Variants in DTNB observed in about 807,000 individuals in gnomAD.
DTNB encodes DTN-B.
A neutral mutation model predicts 90.7 loss-of-function variants in DTNB; 63 were observed. The observed-to-expected ratio is 0.69, with a 90% CI of 0.57 to 0.86. The LOEUF (loss-of-function observed/expected upper bound fraction) is 0.86, where lower values mean the gene tolerates loss of function less well. DTNB is among the 40% of genes least tolerant of loss of function. DTNB has a pLI of 0.00. For synonymous variants in DTNB, 277 were observed against 286.7 expected (o/e 0.97, Z 0.34); for missense variants, 744 against 807.1 (o/e 0.92, Z 0.95).
At chr2:25,540,590 A>C (rs1021502544) in intron 8 of DTNB, among the ~76,000 whole-genome samples, 1 of 152,144 alleles carries the variant, frequency 6.6e-6, no homozygotes, top group African/African-American at 2.4e-5. Flanking sequence ...GCGGTTTTGT[A>C]GAATAGAAAA....
At chr2:25,524,401 C>CTT (rs369653199) in intron 9 of DTNB, among the ~76,000 whole-genome samples, 10 of 114,638 alleles carry the variant, frequency 8.7e-5, no homozygotes, top group African/African-American at 1.6e-4. Context: ...TCTACCAGAG[C>CTT]TTTTTTTTTT....
rs2036845455 is a variant in DTNB, at chr2:25,379,296, TTCCTCTGTGTCCGGC to T, written c.*8_*22del. The T allele has an allele frequency of 1.5e-6, 2 of 1,325,250 alleles. No homozygotes were observed. Among genetic ancestry groups the T allele is most frequent in the African/African-American group, 1.5e-5 (1 of 66,434 alleles). The allele number at this position is 1,325,250 out of a possible 1,614,324, so 82.1% of individuals were successfully genotyped here. A position where few individuals can be genotyped will look rare whatever the true frequency, so the allele number is the denominator to read the frequency against. ...GAGGACTCTTTGTACTCACCTGAGC[TTCCTCTGTGTCCGGC>T]TCCTCTGCTAACCTGTGGCAGCATG... On this transcript the variant is annotated 3_prime_UTR_variant, in exon 20 of 21. Coordinates refer to ENST00000406818, the MANE Select transcript of DTNB (RefSeq NM_021907.5).
At chr2:25,592,355 A>G (rs772152109) in intron 6 of DTNB, among the ~76,000 whole-genome samples, 11 of 152,140 alleles carry the variant, frequency 7.2e-5, no homozygotes, top group Non-Finnish European at 1.3e-4. Flanking sequence ...GAGGTGTCAG[A>G]TTAGTTTTAT....
intron 3 of DTNB, among the ~76,000 whole-genome samples, chr2:25,630,810 C>T (rs1403261168): frequency 7.2e-6 from 1 of 138,016 alleles, no homozygotes; most frequent in Non-Finnish European, 1.5e-5. Flanking sequence ...CACCACTGCA[C>T]TCCAGCCTGG....
chr2:25,562,517 T>C (rs2058417470), intron 8 of DTNB, among the ~76,000 whole-genome samples: 2 of 152,358 alleles, frequency 1.3e-5, no homozygotes, highest in Admixed American at 1.3e-4. Context: ...TGTTTTCCAA[T>C]GTGGCTATAC....
intron 9 of DTNB, among the ~76,000 whole-genome samples, chr2:25,524,832 T>C (rs899260400): frequency 2.0e-5 from 3 of 152,020 alleles, no homozygotes; most frequent in Admixed American, 6.6e-5. Flanking sequence ...TGGGTGTGAG[T>C]AACAAACAAA....
chr2:25,402,025 G>A (rs2043858060), intron 16 of DTNB, among the ~76,000 whole-genome samples: 1 of 152,212 alleles, frequency 6.6e-6, no homozygotes, highest in African/African-American at 2.4e-5. Context: ...TTAGGCAACC[G>A]TGAATGTATA....
At chr2:25,520,173 G>T (rs1230858385) in intron 9 of DTNB, among the ~76,000 whole-genome samples, 1 of 152,180 alleles carries the variant, frequency 6.6e-6, no homozygotes, top group Non-Finnish European at 1.5e-5. Flanking sequence ...GACGAGGTCA[G>T]GAGTTTGAGA....
chr2:25,487,445 G>T (rs997782072), intron 9 of DTNB, among the ~76,000 whole-genome samples: 2 of 152,216 alleles, frequency 1.3e-5, no homozygotes, highest in Non-Finnish European at 2.9e-5. Context: ...ATGCGCATAG[G>T]TTATATGCAA....
chr2:25,469,178 C>T (rs2062330216), intron 10 of DTNB, among the ~76,000 whole-genome samples: 1 of 152,044 alleles, frequency 6.6e-6, no homozygotes, highest in Non-Finnish European at 1.5e-5. Context: ...TTGACCTAGT[C>T]CAGGAGATCA....
At chr2:25,646,761 T>C (rs1041976250) in intron 2 of DTNB, among the ~76,000 whole-genome samples, 1 of 152,174 alleles carries the variant, frequency 6.6e-6, no homozygotes, top group African/African-American at 2.4e-5. Context: ...GTCTCATGCC[T>C]CCTTAAGATG....
At chr2:25,416,962 C>G (rs1015978859) in intron 16 of DTNB, among the ~76,000 whole-genome samples, 1 of 152,218 alleles carries the variant, frequency 6.6e-6, no homozygotes, top group African/African-American at 2.4e-5. Flanking sequence ...TTTATAGTCT[C>G]TTCAGTTGTA....
rs2039813939 is a variant in DTNB at position 25,387,456 on chromosome 2, C to T, written c.1736-78G>A. ...AGACGGCTGAGCAAATGCCTCAGTT[C>T]TGCCAGGCCCGAGAACACAGGTGTG... On this transcript the variant is annotated intron_variant, in intron 17 of 20. Transcript: ENST00000406818. The surrounding 1 kb of genome is among the most constrained non-coding windows in gnomAD (Gnocchi z 4.5). 7.3e-7 allele frequency: 1 copy of T among 1,376,138 alleles called. No homozygotes were observed. The highest frequency in any genetic ancestry group is 1.9e-4 in the Middle Eastern group (1 of 5,370). 85.2% of individuals were successfully genotyped at this position (1,376,138 alleles called of 1,614,324 possible). A position where few individuals can be genotyped will look rare whatever the true frequency, so the allele number is the denominator to read the frequency against.
chr2:25,599,788 T>C (rs1415396889), intron 5 of DTNB, among the ~76,000 whole-genome samples: 1 of 152,134 alleles, frequency 6.6e-6, no homozygotes, highest in Non-Finnish European at 1.5e-5. Context: ...ACATAAATGA[T>C]TTAACCTTTA....
Position 25,576,856 on chromosome 2 carries a change from C to A in DTNB, c.858G>T (p.Met286Ile). The A allele has an allele frequency of 1.2e-6, 2 of 1,612,614 alleles. No individual in the cohort carries two copies. Among genetic ancestry groups the A allele is most frequent in the Non-Finnish European group, 1.7e-6 (2 of 1,179,296 alleles). Reference protein sequence around the residue: ...AGGPHSNQHQMKEHSSWKSPA... With the variant: ...AGGPHSNQHQIKEHSSWKSPA... ...CAGTTACCCAAGAGGAATGCTCCTTCATCTGGTGCTGGTTGCTGTGAGGGC... is the reference window on the plus strand; with the variant it reads ...CAGTTACCCAAGAGGAATGCTCCTTAATCTGGTGCTGGTTGCTGTGAGGGC... Residue 286 changes from methionine (M) to isoleucine (I), a missense_variant, in exon 8 of 21, where the codon ATG becomes ATT. Met to Ile is a conservative substitution (Grantham distance 10). Transcript: ENST00000406818.
intron 9 of DTNB, among the ~76,000 whole-genome samples, chr2:25,492,721 C>T (rs1309901730): frequency 6.6e-6 from 1 of 152,078 alleles, no homozygotes; most frequent in Non-Finnish European, 1.5e-5. Context: ...TGGTGGTGCA[C>T]ACCTGTAGTC....
At chr2:25,440,102 A>G (rs1012822747) in intron 12 of DTNB, among the ~76,000 whole-genome samples, 1 of 152,208 alleles carries the variant, frequency 6.6e-6, no homozygotes, top group Admixed American at 6.5e-5. Context: ...GATGCCCAGA[A>G]AAAAAACTAA....
At chr2:25,401,429 T>C (rs1307532232) in intron 16 of DTNB, among the ~76,000 whole-genome samples, 2 of 152,254 alleles carry the variant, frequency 1.3e-5, no homozygotes, top group African/African-American at 4.8e-5. Flanking sequence ...CAGCTCTGCA[T>C]CTGAGCACAG....
At chr2:25,581,003 T>C (rs1292370905) in intron 6 of DTNB, among the ~76,000 whole-genome samples, 177 bp from the exon 7 acceptor site, 1 of 152,234 alleles carries the variant, frequency 6.6e-6, no homozygotes, top group Non-Finnish European at 1.5e-5. Flanking sequence ...ACACTACTAC[T>C]ATTAGTATAT....
Sources: allele counts gnomAD v4.1 joint callset (sites outside exome capture counted in the v4.1 genomes callset), GRCh38; gene constraint gnomAD v4.1.1; non-coding constraint Gnocchi (gnomAD v3.1); transcripts MANE v1.5; gene names NCBI Gene and HGNC (gene_info 2026-07-23, HGNC 2026-07-21).